SORCS2: variants seen among roughly 807,000 people sequenced by gnomAD.
The protein encoded by SORCS2 is VPS10 domain-containing receptor SorCS2.
A neutral mutation model predicts 141.6 loss-of-function variants in SORCS2; 100 were observed. The observed-to-expected ratio is 0.71, with a 90% CI of 0.60 to 0.83. SORCS2 has a LOEUF of 0.83. Among genes scored for constraint, SORCS2 ranks in the 40% least tolerant of loss-of-function variants. SORCS2 has a pLI of 0.00. For synonymous variants in SORCS2, 789 were observed against 676.9 expected (o/e 1.17, Z -2.57); for missense variants, 1,646 against 1,560.2 (o/e 1.05, Z -0.93).
intron 24 of SORCS2, among the ~76,000 whole-genome samples, chr4:7,733,689 C>A (rs2148898201): frequency 6.6e-6 from 1 of 152,374 alleles, no homozygotes; most frequent in East Asian, 1.9e-4. Context: ...GAGCTGTCTC[C>A]TCGGCTGTCA....
At chr4:7,373,481 T>TATATATAA (rs57125960) in intron 1 of SORCS2, among the ~76,000 whole-genome samples, 1 of 29,870 alleles carries the variant, frequency 3.3e-5, no homozygotes, top group African/African-American at 8.5e-5. Context: ...TATATATATT[T>TATATATAA]TTTTTTTTTT....
At position 7,441,141 on chromosome 4, in the gene SORCS2, G is replaced by T. The variant is rs572721307; in HGVS notation, c.548+44786G>T. Among the ~76,000 whole-genome samples, 5 of 152,320 alleles carry T rather than the reference G, an allele frequency of 3.3e-5. No homozygotes were observed. The South Asian group carries it at 1.0e-3, about 32-fold the overall frequency. On this transcript the variant is annotated intron_variant, in intron 2 of 26. Transcript: ENST00000507866. ...GGCAAGGGCGAAGGCCCCAGTGTGGGCACGAGCTGCCAACTGAGTAGCAGG... is the reference window on the plus strand; with the variant it reads ...GGCAAGGGCGAAGGCCCCAGTGTGGTCACGAGCTGCCAACTGAGTAGCAGG...
At chr4:7,639,854 GGTGT>G (rs888730914) in intron 4 of SORCS2, among the ~76,000 whole-genome samples, 2 of 146,478 alleles carry the variant, frequency 1.4e-5, no homozygotes, top group African/African-American at 2.5e-5. Context: ...TGGGTGTGAG[GGTGT>G]GTGTGATTGC....
intron 2 of SORCS2, among the ~76,000 whole-genome samples, chr4:7,409,774 G>A (rs1269638047): frequency 6.6e-6 from 1 of 152,146 alleles, no homozygotes. Context: ...TGTGGCTCTG[G>A]GAACAGTCTC....
At chr4:7,602,669 C>T (rs1248651477) in intron 3 of SORCS2, among the ~76,000 whole-genome samples, 1 of 150,620 alleles carries the variant, frequency 6.6e-6, no homozygotes, top group African/African-American at 2.5e-5. Flanking sequence ...CTCCTCACTT[C>T]CCAGGCTGGG....
At chr4:7,530,054 G>A (rs1420901321) in intron 2 of SORCS2, among the ~76,000 whole-genome samples, 1 of 152,208 alleles carries the variant, frequency 6.6e-6, no homozygotes, top group Admixed American at 6.5e-5. Context: ...TGGCCACGTG[G>A]CCAGCATGCC....
chr4:7,419,598 T>C (rs1725910101), intron 2 of SORCS2, among the ~76,000 whole-genome samples: 1 of 152,270 alleles, frequency 6.6e-6, no homozygotes, highest in Admixed American at 6.5e-5. Context: ...GATTTCTTCC[T>C]GTGGAAGCTC....
chr4:7,577,024 C>T, intron 3 of SORCS2, among the ~76,000 whole-genome samples: 1 of 152,176 alleles, frequency 6.6e-6, no homozygotes, highest in East Asian at 1.9e-4. Flanking sequence ...GTCTTCTGGC[C>T]ACCCCTCTGC....
chr4:7,557,287 G>A (rs1714205986), intron 3 of SORCS2, among the ~76,000 whole-genome samples: 1 of 152,116 alleles, frequency 6.6e-6, no homozygotes, highest in African/African-American at 2.4e-5. Context: ...ACGGTGGCAG[G>A]GATGGCTGGG....
At chr4:7,609,017 T>C (rs1186920702) in intron 3 of SORCS2, among the ~76,000 whole-genome samples, 3 of 152,010 alleles carry the variant, frequency 2.0e-5, no homozygotes, top group Non-Finnish European at 2.9e-5. Context: ...GGGGTGAACA[T>C]GAGGTTCTGA....
At chr4:7,508,585 A>G (rs4458453) in intron 2 of SORCS2, among the ~76,000 whole-genome samples, 107,456 of 151,844 alleles carry the variant, frequency 0.71, 38,377 homozygotes, top group East Asian at 0.99. Context: ...TGATCCATCC[A>G]CCTTGGCCTC....
intron 3 of SORCS2, among the ~76,000 whole-genome samples, chr4:7,548,525 A>C (rs780251558): frequency 1.3e-5 from 2 of 152,198 alleles, no homozygotes; most frequent in Non-Finnish European, 2.9e-5. Context: ...AAGCGTTATC[A>C]TCCCCACCTA....
rs200019784 is a variant in SORCS2, at chr4:7,433,775, G to T, written c.548+37420G>T. The T allele has an allele frequency of 3.2e-4, 514 of 1,613,432 alleles. 7 individuals carry two copies. In the Admixed American group the frequency reaches 8.4e-3, roughly 27 times the overall value. On this transcript the variant is annotated intron_variant, in intron 2 of 26. Transcript: ENST00000507866. ...TCATGGACTGCCCGGGCCCGCCTCC[G>T]GTTGCCACACAGACGGATGAACTTG...
At chr4:7,729,263 G>A (rs1167330697) in intron 22 of SORCS2, among the ~76,000 whole-genome samples, 2 of 152,154 alleles carry the variant, frequency 1.3e-5, no homozygotes, top group Non-Finnish European at 2.9e-5. Flanking sequence ...TGTGATGGAG[G>A]ACATTAGCCA....
intron 3 of SORCS2, among the ~76,000 whole-genome samples, chr4:7,569,453 G>C (rs949737020): frequency 6.6e-6 from 1 of 152,166 alleles, no homozygotes; most frequent in Non-Finnish European, 1.5e-5. Context: ...CGGAGGTTGC[G>C]GTGAGCTGAG....
chr4:7,732,142 T>G (rs184008824), intron 23 of SORCS2, among the ~76,000 whole-genome samples: 1 of 152,314 alleles, frequency 6.6e-6, no homozygotes, highest in South Asian at 2.1e-4. Context: ...AGGAGCCAAG[T>G]AGACATTTCT....
intron 1 of SORCS2, among the ~76,000 whole-genome samples, chr4:7,357,059 T>A (rs1341184326): frequency 6.6e-6 from 1 of 152,164 alleles, no homozygotes; most frequent in Non-Finnish European, 1.5e-5. Context: ...GGAGCTGGAC[T>A]TGCACCCTGT....
At chr4:7,622,619 C>A (rs536981839) in intron 3 of SORCS2, among the ~76,000 whole-genome samples, 1 of 152,118 alleles carries the variant, frequency 6.6e-6, no homozygotes. Context: ...GGGAGGGCGC[C>A]TGGCCGGGCT....
intron 11 of SORCS2, among the ~76,000 whole-genome samples, chr4:7,695,144 G>A (rs1724514062): frequency 6.6e-6 from 1 of 151,324 alleles, no homozygotes; most frequent in Non-Finnish European, 1.5e-5. Flanking sequence ...AGAGTGAGTG[G>A]TGGAACTCAG....
Sources: gnomAD v4.1 joint callset for allele counts (sites outside exome capture counted in the v4.1 genomes callset) on GRCh38, gnomAD v4.1.1 for gene constraint, MANE v1.5 for transcripts, NCBI Gene and HGNC (gene_info 2026-07-23, HGNC 2026-07-21) for gene names.